The following CTNND2 variants were observed in gnomAD, a reference collection of about 807,000 sequenced individuals.
The protein encoded by CTNND2 is catenin delta-2.
CTNND2 carries 22 observed loss-of-function variants against 144.4 expected under a neutral mutation model. The ratio of observed to expected loss-of-function variants is 0.15; its 90% confidence interval spans 0.11 to 0.22. The LOEUF is 0.22. Among genes scored for constraint, CTNND2 ranks in the 10% least tolerant of loss-of-function variants. CTNND2 has a pLI of 1.00. For synonymous variants in CTNND2, 751 were observed against 695.6 expected (o/e 1.08, Z -1.25); for missense variants, 1,353 against 1,618.8 (o/e 0.84, Z 2.82).
rs139334120 is a variant in CTNND2, at chr5:11,373,369, T to C, written c.1178-8479A>G. On this transcript the variant is annotated intron_variant, in intron 7 of 21. Transcript: ENST00000304623. ...TGGGACTACAGGGGACCCACCACCA[T>C]GTCTGGGTCAGGGTGGATATTTTAG... 8.7e-3 allele frequency among the ~76,000 whole-genome samples: 1,322 copies of C among 152,288 alleles called. 17 individuals carry two copies. Among genetic ancestry groups the C allele is most frequent in the African/African-American group, 0.029 (1,211 of 41,546 alleles).
chr5:11,566,392 C>T (rs1777104602), intron 2 of CTNND2, among the ~76,000 whole-genome samples: 1 of 152,160 alleles, frequency 6.6e-6, no homozygotes, highest in Admixed American at 6.5e-5. Context: ...CTAACTTCTT[C>T]TTCTCTCTTA....
At chr5:10,992,994 G>A (rs936758749) in intron 18 of CTNND2, among the ~76,000 whole-genome samples, 3 of 152,142 alleles carry the variant, frequency 2.0e-5, no homozygotes, top group East Asian at 1.9e-4. Flanking sequence ...TAGGGGACCC[G>A]GAAACTGTCT....
intron 8 of CTNND2, among the ~76,000 whole-genome samples, chr5:11,351,198 G>A (rs2149747868): frequency 1.3e-5 from 2 of 152,194 alleles, no homozygotes; most frequent in Middle Eastern, 3.4e-3. Context: ...TTAAAGCTCA[G>A]TTGACCAAAT....
At chr5:11,567,858 T>G (rs1445437779) in intron 2 of CTNND2, among the ~76,000 whole-genome samples, 2 of 152,212 alleles carry the variant, frequency 1.3e-5, no homozygotes, top group Non-Finnish European at 2.9e-5. Flanking sequence ...GTAATCATCT[T>G]TCAACACAGA....
chr5:11,179,286 C>T (rs1045905206), intron 11 of CTNND2, among the ~76,000 whole-genome samples: 3 of 150,994 alleles, frequency 2.0e-5, no homozygotes, highest in African/African-American at 7.3e-5. Flanking sequence ...GAGCGAGACT[C>T]CATCTCAAAA....
At chr5:11,770,621 C>A (rs114474150) in intron 1 of CTNND2, among the ~76,000 whole-genome samples, 1 of 152,132 alleles carries the variant, frequency 6.6e-6, no homozygotes, top group Admixed American at 6.5e-5. Flanking sequence ...TCCTGCACCC[C>A]TTCCCCTGAG....
At chr5:11,471,524 CTAGTAATAGAATAATGGTTTTGA>C (rs1267067574) in intron 3 of CTNND2, among the ~76,000 whole-genome samples, 1 of 152,052 alleles carries the variant, frequency 6.6e-6, no homozygotes, top group Non-Finnish European at 1.5e-5. Context: ...ATAACAAATT[CTAGTAATAGAATAATGGTTTTGA>C]TAAAGGTATT....
intron 9 of CTNND2, among the ~76,000 whole-genome samples, chr5:11,238,622 A>C (rs1741886804): frequency 6.6e-6 from 1 of 152,240 alleles, no homozygotes; most frequent in African/African-American, 2.4e-5. Context: ...TATTGGAAAG[A>C]TAAAGCATTC....
intron 3 of CTNND2, among the ~76,000 whole-genome samples, chr5:11,527,164 G>A (rs1773327547): frequency 6.6e-6 from 1 of 151,926 alleles, no homozygotes; most frequent in Non-Finnish European, 1.5e-5. Context: ...GCACACTATT[G>A]TAAATATACT....
intron 2 of CTNND2, among the ~76,000 whole-genome samples, chr5:11,655,290 C>T (rs1347389826): frequency 6.6e-6 from 1 of 151,638 alleles, no homozygotes; most frequent in Non-Finnish European, 1.5e-5. Context: ...TAATATTTAA[C>T]CTGTTAAGGA....
At chr5:11,770,416 G>GA (rs1561781573) in intron 1 of CTNND2, among the ~76,000 whole-genome samples, 1,003 of 4,174 alleles carry the variant, frequency 0.24, 36 homozygotes, top group Admixed American at 0.27. Flanking sequence ...AAAAAGGAAA[G>GA]AAGGAAGGAA....
At chr5:11,204,106 AG>A (rs774619165) in intron 10 of CTNND2, among the ~76,000 whole-genome samples, 44 of 152,338 alleles carry the variant, frequency 2.9e-4, no homozygotes, top group Non-Finnish European at 5.6e-4. Context: ...AGATGTCGAG[AG>A]TAATCTACAA....
intron 7 of CTNND2, among the ~76,000 whole-genome samples, chr5:11,376,857 C>T (rs186832868): frequency 1.3e-5 from 2 of 152,196 alleles, no homozygotes. Flanking sequence ...GCCCCACCCC[C>T]TCAAGCTCAG....
At chr5:11,554,157 G>T (rs920875124) in intron 3 of CTNND2, among the ~76,000 whole-genome samples, 1 of 152,060 alleles carries the variant, frequency 6.6e-6, no homozygotes, top group Non-Finnish European at 1.5e-5. Flanking sequence ...CAATTTGCAA[G>T]AATTAATATG....
chr5:11,572,941 A>G (rs1263546808), intron 2 of CTNND2, among the ~76,000 whole-genome samples: 5 of 152,222 alleles, frequency 3.3e-5, no homozygotes, highest in Non-Finnish European at 7.3e-5. Context: ...GTATTTAATT[A>G]GAAAGCAGAT....
chr5:11,092,436 G>A (rs775539838), intron 15 of CTNND2, among the ~76,000 whole-genome samples: 2 of 152,220 alleles, frequency 1.3e-5, no homozygotes, highest in Non-Finnish European at 2.9e-5. Flanking sequence ...TTGGATGCAT[G>A]TGGCATTTGC....
intron 3 of CTNND2, among the ~76,000 whole-genome samples, chr5:11,425,190 T>C (rs937693126): frequency 3.3e-5 from 5 of 152,190 alleles, no homozygotes; most frequent in Admixed American, 1.3e-4. Flanking sequence ...GCATACTACG[T>C]GAGTTCAGGA....
intron 11 of CTNND2, among the ~76,000 whole-genome samples, chr5:11,161,800 T>A (rs1355588825): frequency 1.3e-5 from 2 of 152,168 alleles, no homozygotes; most frequent in African/African-American, 4.8e-5. Context: ...AAATTGAGGC[T>A]TATAAATGTT....
At chr5:11,383,226 C>T (rs746764161) in intron 7 of CTNND2, among the ~76,000 whole-genome samples, 2 of 152,098 alleles carry the variant, frequency 1.3e-5, no homozygotes, top group East Asian at 1.9e-4. Flanking sequence ...GGACTCCCTG[C>T]GCCTCAGTCT....
Sources: gnomAD v4.1 joint callset for allele counts (sites outside exome capture counted in the v4.1 genomes callset) on GRCh38, gnomAD v4.1.1 for gene constraint, MANE v1.5 for transcripts, NCBI Gene and HGNC (gene_info 2026-07-23, HGNC 2026-07-21) for gene names.